The following NUP98 variants were observed in gnomAD, a reference collection of about 807,000 sequenced individuals.
NUP98 encodes the protein nucleoporin 98 and 96 precursor, also known as nuclear pore complex protein Nup98-Nup96.
In NUP98, 26 loss-of-function variants were observed where a neutral mutation model predicts 191.9. That is an observed-to-expected ratio of 0.14 (90% confidence interval 0.10 to 0.19). The LOEUF is 0.19. Ranked by LOEUF, NUP98 falls within the 10% of genes least tolerant of loss-of-function variation. The pLI, the probability that NUP98 is intolerant of heterozygous loss-of-function variation, is 1.00. For missense variants in NUP98, 1,941 were observed against 2,178.8 expected (o/e 0.89, Z 2.17); for synonymous variants, 808 against 778.4 (o/e 1.04, Z -0.63).
chr11:3,683,486 G>C, intron 29 of NUP98, 45 bp from the exon 30 acceptor site: 1 of 1,606,702 alleles, frequency 6.2e-7, no homozygotes, highest in Non-Finnish European at 8.5e-7. Context: ...CTCATTCATG[G>C]AGAAGGCTGC....
chr11:3,681,433 T>C (rs1244704955), intron 30 of NUP98, among the ~76,000 whole-genome samples: 3 of 152,320 alleles, frequency 2.0e-5, no homozygotes, highest in African/African-American at 4.8e-5. Context: ...ATGGCAGCTA[T>C]AGTCTTATGA....
intron 10 of NUP98, among the ~76,000 whole-genome samples, chr11:3,755,096 T>C (rs1306215439): frequency 2.0e-5 from 3 of 152,148 alleles, no homozygotes; most frequent in African/African-American, 7.2e-5. Context: ...ATGTCATTAA[T>C]TTCTCATGAG....
At chr11:3,762,729 C>T (rs1213141274) in intron 9 of NUP98, among the ~76,000 whole-genome samples, 173 bp downstream of exon 9, 1 of 152,110 alleles carries the variant, frequency 6.6e-6, no homozygotes, top group African/African-American at 2.4e-5. Flanking sequence ...TGAAGTTAAC[C>T]TGAAATTTCA....
At chr11:3,765,162 T>G (rs189416951) in intron 8 of NUP98, among the ~76,000 whole-genome samples, 1 of 152,230 alleles carries the variant, frequency 6.6e-6, no homozygotes, top group Non-Finnish European at 1.5e-5. Flanking sequence ...ACTTTGATGA[T>G]ATCCCTTTGA....
In NUP98 at chr11:3,723,242, G is replaced by A; in HGVS notation, c.2061C>T (p.Ser687=). 6.2e-7 allele frequency: 1 copy of A among 1,614,066 alleles called. No homozygotes were observed. The highest frequency in any genetic ancestry group is 8.5e-7 in the Non-Finnish European group (1 of 1,180,004). Reference sequence around the variant, plus strand: ...CATCATGAAAAGACGTTTCTTCACTGCTTCCTTCCAGCCCATTTCGCAAAG... The same window carrying A: ...CATCATGAAAAGACGTTTCTTCACTACTTCCTTCCAGCCCATTTCGCAAAG... ...RAALRNGLEG[S]SEETSFHDES... The change falls in exon 16 of 33, where the codon AGC becomes AGT. Residue 687 remains serine, a synonymous_variant. Coordinates refer to ENST00000324932, the MANE Select transcript of NUP98 (RefSeq NM_016320.5).
chr11:3,778,042 C>CA, intron 4 of NUP98, among the ~76,000 whole-genome samples: 1 of 150,566 alleles, frequency 6.6e-6, no homozygotes. Context: ...ACAAAAAATA[C>CA]AAAAAAATTA....
At chr11:3,707,255 T>A (rs1348134374) in intron 20 of NUP98, among the ~76,000 whole-genome samples, 3 of 152,176 alleles carry the variant, frequency 2.0e-5, no homozygotes, top group African/African-American at 7.2e-5. Context: ...AATCCCTTTA[T>A]GTTTAAAAAT....
intron 12 of NUP98, 81 bp from the exon 13 acceptor site, chr11:3,735,405 G>A (rs1023596965): frequency 1.6e-5 from 12 of 771,156 alleles, no homozygotes; most frequent in African/African-American, 7.3e-5. Context: ...CACAGAGCTC[G>A]GTATTCTTTT....
At chr11:3,782,524 AAAAATTAAAACACAGT>A in intron 1 of NUP98, among the ~76,000 whole-genome samples, 1 of 151,986 alleles carries the variant, frequency 6.6e-6, no homozygotes, top group Non-Finnish European at 1.5e-5. Context: ...CATATCCATC[AAAAATTAAAACACAGT>A]CTGCTAACCC....
At chr11:3,743,861 G>C (rs532913190) in intron 12 of NUP98, among the ~76,000 whole-genome samples, 1 of 151,604 alleles carries the variant, frequency 6.6e-6, no homozygotes, top group African/African-American at 2.4e-5. Flanking sequence ...AGATCAGCCT[G>C]GCGAACATGG....
rs374449874 is a variant in NUP98, at chr11:3,725,154, C to T, written c.1796G>A (p.Arg599His). Residue 599 changes from arginine to histidine, a missense_variant, in exon 15 of 33, where the codon CGT becomes CAT. This residue lies in a region of NUP98 where 453 missense variants were observed against 438.2 expected (regional missense o/e 1.03). Coordinates refer to ENST00000324932, the MANE Select transcript of NUP98 (RefSeq NM_016320.5). Reference protein sequence around the residue: ...NNSNLFSPVNRDSENLASPSE... With the variant: ...NNSNLFSPVNHDSENLASPSE... ...TGGTGAAGCTAGATTTTCTGAATCA[C>T]GATTAACAGGAGAAAAGAGATTGCT... 50 of 1,601,510 alleles carry T rather than the reference C, an allele frequency of 3.1e-5. 1 individual carries two copies. The highest frequency in any genetic ancestry group is 2.9e-4 in the South Asian group (26 of 90,662).
At chr11:3,702,328 CTCTCTCTCTCTCTCTCTCTCT>C in intron 23 of NUP98, 114 bp downstream of exon 23, 3 of 105,008 alleles carry the variant, frequency 2.9e-5, no homozygotes, top group Non-Finnish European at 3.0e-5. Context: ...CTCTCTCTCT[CTCTCTCTCTCTCTCTCTCTCT>C]CTCTCTCTCT....
chr11:3,781,840 A>C (rs2081979876), intron 2 of NUP98, among the ~76,000 whole-genome samples: 1 of 152,130 alleles, frequency 6.6e-6, no homozygotes, highest in African/African-American at 2.4e-5. Flanking sequence ...TGACAATCAG[A>C]AGAAGGCCAT....
At chr11:3,746,052 C>G (rs182731383) in intron 11 of NUP98, among the ~76,000 whole-genome samples, 108 of 151,966 alleles carry the variant, frequency 7.1e-4, no homozygotes, top group Non-Finnish European at 2.8e-4. Context: ...GGTGGATCAC[C>G]TAAAGTTAGG....
intron 10 of NUP98, among the ~76,000 whole-genome samples, chr11:3,756,528 T>C (rs573463765): frequency 9.7e-4 from 148 of 152,160 alleles, no homozygotes; most frequent in Non-Finnish European, 1.9e-3. Flanking sequence ...GTTCAAGTGA[T>C]TCTTCTGCCT....
chr11:3,753,564 TCA>T (rs2080844867), intron 10 of NUP98, among the ~76,000 whole-genome samples, 156 bp from the exon 11 acceptor site: 2 of 151,712 alleles, frequency 1.3e-5, no homozygotes, highest in East Asian at 3.9e-4. Flanking sequence ...AAAAAAAATT[TCA>T]CATATGCAAA....
chr11:3,740,021 G>A (rs148658136), intron 12 of NUP98, among the ~76,000 whole-genome samples: 1 of 152,306 alleles, frequency 6.6e-6, no homozygotes, highest in African/African-American at 2.4e-5. Flanking sequence ...TATGTTGTCA[G>A]TAAAGCTTGG....
intron 17 of NUP98, 83 bp from the exon 18 acceptor site, chr11:3,719,633 C>CT: frequency 9.7e-7 from 1 of 1,030,894 alleles, no homozygotes; most frequent in Non-Finnish European, 1.3e-6. Context: ...TAAACAATCA[C>CT]AAGGAGAAAG....
chr11:3,725,090 G>C lies in NUP98; in HGVS notation c.1847+13C>G. The C allele has an allele frequency of 1.7e-6, 2 of 1,177,690 alleles. No individual in the cohort carries two copies. The highest frequency in any genetic ancestry group is 1.3e-6 in the Non-Finnish European group (1 of 790,416). 73.0% of individuals were successfully genotyped at this position (1,177,690 alleles called of 1,614,324 possible). A position where few individuals can be genotyped will look rare whatever the true frequency, so the allele number is the denominator to read the frequency against. On this transcript the variant is annotated intron_variant, in intron 15 of 32. Coordinates refer to ENST00000324932, the MANE Select transcript of NUP98 (RefSeq NM_016320.5). The stretch of plus-strand genomic sequence containing the variant: ...TCTCTACTAAGAAGAACTCAAAACA[G>C]AATTCAGTGTACCTCTCTCCATTTT...
Sources: allele counts gnomAD v4.1 joint callset (sites outside exome capture counted in the v4.1 genomes callset), GRCh38; gene constraint gnomAD v4.1.1; regional missense constraint gnomAD v4.1.1; transcripts MANE v1.5; gene names NCBI Gene and HGNC (gene_info 2026-07-23, HGNC 2026-07-21).